The following SSBP3 variants were observed in gnomAD, a reference collection of about 807,000 sequenced individuals.
SSBP3 encodes the protein single-stranded DNA-binding protein 3.
SSBP3 carries 5 observed loss-of-function variants against 69.6 expected under a neutral mutation model. That is an observed-to-expected ratio of 0.07 (90% confidence interval 0.04 to 0.15). The LOEUF (loss-of-function observed/expected upper bound fraction) is 0.15, where lower values mean the gene tolerates loss of function less well. Among genes scored for constraint, SSBP3 ranks in the 10% least tolerant of loss-of-function variants. The pLI, the probability that SSBP3 is intolerant of heterozygous loss-of-function variation, is 1.00. For synonymous variants in SSBP3, 196 were observed against 193.4 expected (o/e 1.01, Z -0.11); for missense variants, 312 against 534.0 (o/e 0.58, Z 4.10).
At chr1:54,281,576 G>C (rs1032397364) in intron 4 of SSBP3, 49 bp from the exon 5 acceptor site, 1 of 1,507,256 alleles carries the variant, frequency 6.6e-7, no homozygotes, top group African/African-American at 1.4e-5. Flanking sequence ...CACAACCAGA[G>C]ACACAGAGTT....
chr1:54,316,656 A>AT (rs1557525092), intron 4 of SSBP3, among the ~76,000 whole-genome samples: 3 of 53,900 alleles, frequency 5.6e-5, no homozygotes, highest in African/African-American at 2.2e-4. Context: ...TCAAAAAAAA[A>AT]AAATAAAATA....
intron 4 of SSBP3, among the ~76,000 whole-genome samples, chr1:54,283,470 C>G (rs1645433487): frequency 6.6e-6 from 1 of 152,194 alleles, no homozygotes; most frequent in African/African-American, 2.4e-5. Flanking sequence ...CTCGGACTTT[C>G]TGAATTTGCT....
At chr1:54,324,291 C>T (rs1193156897) in intron 4 of SSBP3, among the ~76,000 whole-genome samples, 1 of 152,158 alleles carries the variant, frequency 6.6e-6, no homozygotes, top group Non-Finnish European at 1.5e-5. Flanking sequence ...TCCCTCTTGG[C>T]AATCAGAAAA....
chr1:54,293,190 C>G (rs1433125064), intron 4 of SSBP3, among the ~76,000 whole-genome samples: 1 of 152,130 alleles, frequency 6.6e-6, no homozygotes, highest in Non-Finnish European at 1.5e-5. Flanking sequence ...CTACCAGGTG[C>G]ACACAGCAGG....
intron 4 of SSBP3, among the ~76,000 whole-genome samples, chr1:54,346,862 G>C (rs1042435428): frequency 5.3e-5 from 8 of 151,628 alleles, no homozygotes; most frequent in Admixed American, 3.9e-4. Flanking sequence ...TGGCAGCCTT[G>C]GGGGATTGGG....
intron 4 of SSBP3, among the ~76,000 whole-genome samples, chr1:54,337,587 C>T (rs965743423): frequency 4.7e-5 from 7 of 147,984 alleles, no homozygotes; most frequent in African/African-American, 1.5e-4. Context: ...AACCTCCCTC[C>T]GTCTCCCGGG....
chr1:54,262,121 G>A (rs562996347), intron 5 of SSBP3, among the ~76,000 whole-genome samples: 2 of 152,158 alleles, frequency 1.3e-5, no homozygotes, highest in Admixed American at 6.5e-5. Context: ...CTCTGCCCCT[G>A]ACTGCATTTC....
chr1:54,269,564 G>T (rs917393072), intron 5 of SSBP3, among the ~76,000 whole-genome samples: 4 of 152,230 alleles, frequency 2.6e-5, no homozygotes, highest in African/African-American at 9.6e-5. Context: ...AACTTAGCTA[G>T]ATACGCATGT....
chr1:54,366,275 C>T (rs1162487223), intron 4 of SSBP3, among the ~76,000 whole-genome samples: 1 of 152,170 alleles, frequency 6.6e-6, no homozygotes, highest in Admixed American at 6.5e-5. Context: ...CCCATTCCTG[C>T]AGCATGGAGG....
chr1:54,343,713 G>A lies in SSBP3; in HGVS notation c.276+58148C>T, dbSNP rs1292268453. Among the ~76,000 whole-genome samples the A allele has an allele frequency of 5.9e-5, 9 of 152,302 alleles. No individual in the cohort carries two copies. In the East Asian group the frequency reaches 1.7e-3, roughly 29 times the overall value. On this transcript the variant is annotated intron_variant, in intron 4 of 17. Coordinates refer to ENST00000610401, the Ensembl canonical transcript of SSBP3. ...GGCCCCATAAAGGTTACAAACCATG[G>A]CTTCATATAACTATATCTACTTGAC...
chr1:54,392,828 A>AC (rs1327879313), intron 4 of SSBP3, among the ~76,000 whole-genome samples: 1 of 152,212 alleles, frequency 6.6e-6, no homozygotes, highest in Non-Finnish European at 1.5e-5. Context: ...GAAGGAAGAG[A>AC]CACAACCTTA....
chr1:54,291,402 C>A (rs935685666), intron 4 of SSBP3, among the ~76,000 whole-genome samples: 4 of 152,116 alleles, frequency 2.6e-5, no homozygotes, highest in Non-Finnish European at 4.4e-5. Context: ...AATGAACAGT[C>A]GGGAGCCCTT....
intron 4 of SSBP3, among the ~76,000 whole-genome samples, chr1:54,336,267 G>A (rs965723986): frequency 1.2e-4 from 19 of 152,206 alleles, no homozygotes; most frequent in African/African-American, 4.6e-4. Context: ...GGGCAAATAT[G>A]AGATGGGATT....
intron 3 of SSBP3, among the ~76,000 whole-genome samples, chr1:54,404,173 G>C (rs372166127): frequency 6.6e-6 from 1 of 152,062 alleles, no homozygotes; most frequent in Non-Finnish European, 1.5e-5. Flanking sequence ...CTCCCGAGGA[G>C]AAAAAGGAAG....
At chr1:54,388,706 G>A (rs908847176) in intron 4 of SSBP3, among the ~76,000 whole-genome samples, 1 of 152,218 alleles carries the variant, frequency 6.6e-6, no homozygotes, top group African/African-American at 2.4e-5. Context: ...AGGCTCTGCA[G>A]ATGGGAGCTG....
At chr1:54,280,388 C>T (rs1645368692) in intron 5 of SSBP3, among the ~76,000 whole-genome samples, 1 of 152,194 alleles carries the variant, frequency 6.6e-6, no homozygotes, top group Non-Finnish European at 1.5e-5. Flanking sequence ...TAAATTCTGG[C>T]CTATACCAAG....
At chr1:54,410,929 C>T (rs1011473689), upstream of SSBP3, among the ~76,000 whole-genome samples, 4 of 151,946 alleles carry the variant, frequency 2.6e-5, no homozygotes, top group East Asian at 3.9e-4. Context: ...GGAAATGTTT[C>T]GAAAATTGAA....
At position 54,240,122 on chromosome 1, in the gene SSBP3, A is replaced by ACAC. The variant is rs150313880; in HGVS notation, c.856+782_856+783insGTG. Among the ~76,000 whole-genome samples the ACAC allele has an allele frequency of 1.6e-3, 123 of 78,048 alleles. 5 individuals carry two copies. In the Middle Eastern group the frequency reaches 0.023, roughly 15 times the overall value. 51.2% of individuals were successfully genotyped at this position (78,048 alleles called of 152,430 possible). On this transcript the variant is annotated intron_variant, in intron 13 of 17. Transcript: ENST00000610401. ...CGCGTGTGCGTGCGCGCGCGCGCGC[A>ACAC]ACACATGCCCACGTATGTGCACGCA...
At chr1:54,329,527 C>T (rs1031095258) in intron 4 of SSBP3, among the ~76,000 whole-genome samples, 21 of 152,350 alleles carry the variant, frequency 1.4e-4, no homozygotes, top group African/African-American at 4.6e-4. Flanking sequence ...CTTGCAACAA[C>T]AAGAGGGCCC....
Sources: allele counts gnomAD v4.1 joint callset (sites outside exome capture counted in the v4.1 genomes callset), GRCh38; gene constraint gnomAD v4.1.1; transcripts MANE v1.5; gene names NCBI Gene and HGNC (gene_info 2026-07-23, HGNC 2026-07-21).